RHBDD2: variants seen among roughly 807,000 people sequenced by gnomAD.
RHBDD2 encodes rhomboid domain-containing protein 2.
Under a neutral mutation model 21.7 loss-of-function variants are expected in RHBDD2, and 13 were observed. That is an observed-to-expected ratio of 0.60 (90% CI 0.39 to 0.95). The LOEUF (loss-of-function observed/expected upper bound fraction) is 0.95, where lower values mean the gene tolerates loss of function less well. Ranked by LOEUF, RHBDD2 falls within the 40% of genes least tolerant of loss-of-function variation. The probability of loss-of-function intolerance (pLI) is 0.00; values close to 1 mark genes in which losing one functional copy is unlikely to be tolerated. For missense variants in RHBDD2, 473 were observed against 478.9 expected (o/e 0.99, Z 0.11); for synonymous variants, 225 against 220.0 (o/e 1.02, Z -0.20).
intron 3 of RHBDD2, among the ~76,000 whole-genome samples, chr7:75,886,668 G>A: frequency 6.6e-6 from 1 of 152,074 alleles, no homozygotes; most frequent in East Asian, 1.9e-4. Context: ...CAAAAAATTG[G>A]CCATGTGCGG....
chr7:75,885,561 C>G (rs1361856367), intron 3 of RHBDD2, among the ~76,000 whole-genome samples: 1 of 152,136 alleles, frequency 6.6e-6, no homozygotes, highest in African/African-American at 2.4e-5. Flanking sequence ...TTTTGTATTG[C>G]TATAAAGAAA....
intron 3 of RHBDD2, among the ~76,000 whole-genome samples, chr7:75,887,389 C>G (rs928034117): frequency 6.6e-6 from 1 of 151,318 alleles, no homozygotes; most frequent in Admixed American, 6.6e-5. Context: ...ACAATCTTGG[C>G]TCACTGCAAC....
chr7:75,881,904 G>A lies in RHBDD2; in HGVS notation c.254G>A (p.Arg85His), dbSNP rs11547498. The change falls in exon 2 of 4, where the codon CGC (arginine) becomes CAC (histidine). Residue 85 changes from arginine to histidine, a missense_variant. Coordinates refer to ENST00000006777, the MANE Select transcript of RHBDD2 (RefSeq NM_001040456.3). ...CTCTGCGGCGCTATCATCATCTGGC[G>A]CTTTGCTGGCAATTTCGAGAGAACC... Reference protein sequence around the residue: ...SLLCGAIIIWRFAGNFERTVG... With the variant: ...SLLCGAIIIWHFAGNFERTVG... The A allele has an allele frequency of 3.3e-4, 529 of 1,614,168 alleles. 2 individuals are homozygous for A. The East Asian group carries it at 9.7e-3, about 30-fold the overall frequency.
chr7:75,887,859 T>C (rs781852833), intron 3 of RHBDD2, 133 bp from the exon 4 acceptor site: 70 of 781,336 alleles, frequency 9.0e-5, no homozygotes, highest in African/African-American at 2.2e-4. Context: ...TTTCTCCCAC[T>C]TGGTACTTAG....
At chr7:75,883,520 A>G in intron 2 of RHBDD2, 178 bp from the exon 3 acceptor site, 1 of 523,054 alleles carries the variant, frequency 1.9e-6, no homozygotes, top group Non-Finnish European at 3.4e-6. Flanking sequence ...CTCCATCTCA[A>G]AAAAAAAAAC....
At chr7:75,886,575 G>A (rs1554543941) in intron 3 of RHBDD2, among the ~76,000 whole-genome samples, 2 of 152,146 alleles carry the variant, frequency 1.3e-5, no homozygotes, top group African/African-American at 4.8e-5. Flanking sequence ...AGCACTTTGG[G>A]AGGCTGATGC....
chr7:75,888,282 A>G lies in RHBDD2; in HGVS notation c.1028A>G (p.Tyr343Cys), dbSNP rs1554544530. The G allele has an allele frequency of 6.2e-7, 1 of 1,613,456 alleles. No homozygotes were observed. Residue 343 changes from tyrosine (Y) to cysteine (C), a missense_variant, in exon 4 of 4, where the codon TAT (tyrosine) becomes TGT (cysteine). By Grantham distance (194) the Tyr-to-Cys change is radical. Coordinates refer to ENST00000006777, the MANE Select transcript of RHBDD2 (RefSeq NM_001040456.3). Reference protein sequence around the residue: ...PTPVNSPGTVYSGALGTPGAA... With the variant: ...PTPVNSPGTVCSGALGTPGAA... ...CCTGTGAACAGCCCTGGCACGGTGT[A>G]TTCTGGGGCCTTGGGCACACCAGGG...
rs782157883 is a variant in RHBDD2, at chr7:75,888,128, C to T, written c.874C>T (p.Pro292Ser). The change falls in exon 4 of 4, where the codon CCC becomes TCC. Residue 292 changes from proline to serine, a missense_variant. Coordinates refer to ENST00000006777, the MANE Select transcript of RHBDD2 (RefSeq NM_001040456.3). Reference sequence around the variant, plus strand: ...GCCCTCCTGCACCCCCGGGCACATGCCCACCTTGCCTCCGTACCAGCCTGC... The same window carrying T: ...GCCCTCCTGCACCCCCGGGCACATGTCCACCTTGCCTCCGTACCAGCCTGC... Reference protein sequence around the residue: ...SWPSCTPGHMPTLPPYQPASG... With the variant: ...SWPSCTPGHMSTLPPYQPASG... 1 of 1,613,824 alleles carries T rather than the reference C, an allele frequency of 6.2e-7. No individual in the cohort carries two copies. Among genetic ancestry groups the T allele is most frequent in the Admixed American group, 1.7e-5 (1 of 60,030 alleles).
rs540432395 is a variant in RHBDD2, at chr7:75,879,400, C to A, written c.178+140C>A. On this transcript the variant is annotated intron_variant, in intron 1 of 3. Coordinates refer to ENST00000006777, the MANE Select transcript of RHBDD2 (RefSeq NM_001040456.3). ...GTCTCGGTCCTCATCACCATGCCCG[C>A]CCCCCGGAGGACCGACCTCCAGCAC... 39 of 795,930 alleles carry A rather than the reference C, an allele frequency of 4.9e-5. No individual in the cohort carries two copies. The African/African-American group carries it at 6.0e-4, about 12-fold the overall frequency. The allele number at this position is 795,930 out of a possible 1,614,324, so 49.3% of individuals were successfully genotyped here.
intron 1 of RHBDD2, among the ~76,000 whole-genome samples, chr7:75,881,047 A>T (rs900075638): frequency 6.6e-6 from 1 of 152,126 alleles, no homozygotes; most frequent in Admixed American, 6.6e-5. Flanking sequence ...TTAGAAAAAT[A>T]AAAGGCCAGG....
Position 75,882,008 on chromosome 7 carries a change from G to A in RHBDD2, c.358G>A (p.Val120Met), listed in dbSNP as rs1374785544. Residue 120 changes from valine (V) to methionine (M), a missense_variant, in exon 2 of 4, where the codon GTG becomes ATG. Val to Met is a conservative substitution (Grantham distance 21, BLOSUM62 1). Coordinates refer to ENST00000006777, the MANE Select transcript of RHBDD2 (RefSeq NM_001040456.3). Reference protein sequence around the residue: ...SAIIFLSFEAVSSLSKLGEVE... With the variant: ...SAIIFLSFEAMSSLSKLGEVE... ...TATCATCTTCCTGTCATTCGAGGCTGTGTCATCACTGTCAAAGCTGGGGGA... is the reference window on the plus strand; with the variant it reads ...TATCATCTTCCTGTCATTCGAGGCTATGTCATCACTGTCAAAGCTGGGGGA... 4 of 1,614,120 alleles carry A rather than the reference G, an allele frequency of 2.5e-6. No homozygotes were observed. The highest frequency in any genetic ancestry group is 3.3e-5 in the Admixed American group (2 of 60,006).
chr7:75,879,078 C>T lies in RHBDD2; in HGVS notation c.-5C>T. ...TCGAGGCGGGGCGCGGGAACGACGG[C>T]GGCCATGGCGGCCTCGGGGCCCGGG... On this transcript the variant is annotated 5_prime_UTR_variant, in exon 1 of 4. Coordinates refer to ENST00000006777, the MANE Select transcript of RHBDD2 (RefSeq NM_001040456.3). 2.2e-6 allele frequency: 3 copies of T among 1,360,344 alleles called. No individual in the cohort carries two copies. The highest frequency in any genetic ancestry group is 2.9e-6 in the Non-Finnish European group (3 of 1,051,196). 84.3% of individuals were successfully genotyped at this position (1,360,344 alleles called of 1,614,324 possible). A position where few individuals can be genotyped will look rare whatever the true frequency, so the allele number is the denominator to read the frequency against.
chr7:75,886,817 A>G (rs571142910), intron 3 of RHBDD2, among the ~76,000 whole-genome samples: 2 of 152,040 alleles, frequency 1.3e-5, no homozygotes, highest in African/African-American at 4.8e-5. Context: ...CCGTCTCAAA[A>G]AAAAAAAAAA....
At chr7:75,882,345 G>T in intron 2 of RHBDD2, 109 bp downstream of exon 2, 1 of 1,050,722 alleles carries the variant, frequency 9.5e-7, no homozygotes, top group Non-Finnish European at 1.3e-6. Context: ...GTATTTTTTC[G>T]AAACAGAGTC....
At chr7:75,885,673 T>C (rs1326419302) in intron 3 of RHBDD2, among the ~76,000 whole-genome samples, 2 of 151,988 alleles carry the variant, frequency 1.3e-5, no homozygotes, top group East Asian at 1.9e-4. Context: ...CTTCCAATCA[T>C]AGGGCAAGGG....
Position 75,882,241 on chromosome 7 carries a change from C to G in RHBDD2, c.586+5C>G. The G allele has an allele frequency of 6.2e-7, 1 of 1,604,364 alleles. No individual in the cohort carries two copies. The highest frequency in any genetic ancestry group is 2.2e-5 in the East Asian group (1 of 44,798). Reference sequence around the variant, plus strand: ...GGCTGTCCATCGGGCTGGCCTGTATCCTTCCTAGCAGAGAGCTATAGAACA... The same window carrying G: ...GGCTGTCCATCGGGCTGGCCTGTATGCTTCCTAGCAGAGAGCTATAGAACA... On this transcript the variant is annotated splice_donor_5th_base_variant and intron_variant, in intron 2 of 3. Transcript: ENST00000006777.
Position 75,881,971 on chromosome 7 carries a change from C to T in RHBDD2, c.321C>T (p.Ala107=), listed in dbSNP as rs782079047. ...VRHCFFTVIF[A]IFSAIIFLSF... ...ACTGCTTCTTCACCGTGATCTTCGC[C>T]ATCTTCTCCGCTATCATCTTCCTGT... The change falls in exon 2 of 4, where the codon GCC becomes GCT. Residue 107 remains alanine, a synonymous_variant. Coordinates refer to ENST00000006777, the MANE Select transcript of RHBDD2 (RefSeq NM_001040456.3). The T allele has an allele frequency of 1.2e-6, 2 of 1,614,260 alleles. No homozygotes were observed. Among genetic ancestry groups the T allele is most frequent in the South Asian group, 2.2e-5 (2 of 91,086 alleles).
chr7:75,879,466 C>A (rs1457926695), intron 1 of RHBDD2, among the ~76,000 whole-genome samples: 1 of 152,156 alleles, frequency 6.6e-6, no homozygotes, highest in Non-Finnish European at 1.5e-5. Context: ...GTCTGCAGAC[C>A]CCATCTTCGT....
intron 3 of RHBDD2, among the ~76,000 whole-genome samples, chr7:75,887,357 A>ACCCAGGCT (rs2116053035): frequency 6.8e-6 from 1 of 147,322 alleles, no homozygotes; most frequent in South Asian, 2.2e-4. Context: ...TTGCTCTGTC[A>ACCCAGGCT]CCCAGGCTGG....
Sources: gnomAD v4.1 joint callset for allele counts (sites outside exome capture counted in the v4.1 genomes callset) on GRCh38, gnomAD v4.1.1 for gene constraint, MANE v1.5 for transcripts, NCBI Gene and HGNC (gene_info 2026-07-23, HGNC 2026-07-21) for gene names.